Variants in KCNIP4 observed in about 807,000 individuals in gnomAD.
KCNIP4 encodes Kv channel-interacting protein 4.
Under a neutral mutation model 34.0 loss-of-function variants are expected in KCNIP4, and 12 were observed. The ratio of observed to expected loss-of-function variants is 0.35; its 90% CI spans 0.23 to 0.57. The LOEUF is 0.57. KCNIP4 is among the 20% of genes least tolerant of loss of function. The pLI is 0.83. For missense variants in KCNIP4, 238 were observed against 311.7 expected (o/e 0.76, Z 1.78); for synonymous variants, 124 against 102.2 (o/e 1.21, Z -1.29).
intron 1 of KCNIP4, among the ~76,000 whole-genome samples, chr4:21,254,304 C>T (rs1366996512): frequency 6.6e-6 from 1 of 152,096 alleles, no homozygotes; most frequent in East Asian, 1.9e-4. Context: ...TATGCATTGC[C>T]TTCAATCACC....
rs751881536 is a variant in KCNIP4 at position 20,882,664 on chromosome 4, C to T, written c.107G>A (p.Arg36Gln). ...QNSTKRSIKE[R>Q]LMKLLPCSAA... ...TGAGCAGGGCAAGAGCTTCATGAGC[C>T]GCTCTTTAATGCTGCGCTTGGTGCT... The change falls in exon 2 of 9, where the codon CGG (arginine) becomes CAG (glutamine). Residue 36 changes from arginine (R) to glutamine (Q), a missense_variant. By Grantham distance (43) the Arg-to-Gln change is conservative. Coordinates refer to ENST00000382152, the MANE Select transcript of KCNIP4 (RefSeq NM_025221.6). 12 of 1,613,390 alleles carry T rather than the reference C, an allele frequency of 7.4e-6. No individual in the cohort carries two copies. The highest frequency in any genetic ancestry group is 7.6e-6 in the Non-Finnish European group (9 of 1,179,838).
chr4:20,751,884 C>T (rs942530214), intron 4 of KCNIP4, among the ~76,000 whole-genome samples: 2 of 152,210 alleles, frequency 1.3e-5, no homozygotes, highest in East Asian at 3.9e-4. Context: ...CCAGTCTAGA[C>T]AATCTATGCA....
chr4:21,710,574 T>C (rs985755787), intron 1 of KCNIP4, among the ~76,000 whole-genome samples: 1 of 152,186 alleles, frequency 6.6e-6, no homozygotes, highest in Non-Finnish European at 1.5e-5. Flanking sequence ...CAAATTCATA[T>C]GCAGATCCAG....
At chr4:20,747,909 C>T (rs1316138760) in intron 5 of KCNIP4, among the ~76,000 whole-genome samples, 3 of 152,220 alleles carry the variant, frequency 2.0e-5, no homozygotes, top group African/African-American at 7.2e-5. Context: ...TGCCTACGCC[C>T]ATATGAACTT....
At chr4:21,814,660 A>G (rs1017076527) in intron 1 of KCNIP4, among the ~76,000 whole-genome samples, 1 of 152,176 alleles carries the variant, frequency 6.6e-6, no homozygotes, top group Non-Finnish European at 1.5e-5. Context: ...GAACTGGCTG[A>G]GCCCCGTTAA....
At chr4:20,846,455 A>G (rs1720388294) in intron 3 of KCNIP4, among the ~76,000 whole-genome samples, 1 of 152,162 alleles carries the variant, frequency 6.6e-6, no homozygotes. Context: ...AAGATTATGA[A>G]ACATATATAT....
intron 1 of KCNIP4, among the ~76,000 whole-genome samples, chr4:21,465,065 G>C (rs1208845969): frequency 6.6e-6 from 1 of 152,050 alleles, no homozygotes; most frequent in Non-Finnish European, 1.5e-5. Context: ...TAGACTGCCA[G>C]GCTGTCTCTC....
chr4:20,978,635 C>T, intron 1 of KCNIP4, among the ~76,000 whole-genome samples: 1 of 152,150 alleles, frequency 6.6e-6, no homozygotes, highest in Non-Finnish European at 1.5e-5. Context: ...TTATACACTT[C>T]TCTTCATCCA....
chr4:20,858,211 CAAAAAAAAAAA>C (rs778798968), intron 2 of KCNIP4, among the ~76,000 whole-genome samples: 16 of 70,738 alleles, frequency 2.3e-4, no homozygotes, highest in South Asian at 1.7e-3. Context: ...AACTCCATCT[CAAAAAAAAAAA>C]AAAAAAAAAA....
chr4:21,036,132 T>A (rs1418363787), intron 1 of KCNIP4, among the ~76,000 whole-genome samples: 1 of 152,226 alleles, frequency 6.6e-6, no homozygotes, highest in Non-Finnish European at 1.5e-5. Context: ...TGCTCCATAA[T>A]CTTTGCCACA....
At chr4:21,380,839 G>GACACACACACAC (rs34138343) in intron 1 of KCNIP4, among the ~76,000 whole-genome samples, 1 of 149,616 alleles carries the variant, frequency 6.7e-6, no homozygotes, top group Non-Finnish European at 1.5e-5. Context: ...TTCCATTGGT[G>GACACACACACAC]ACACACACAC....
chr4:21,459,788 G>A (rs1729293841), intron 1 of KCNIP4, among the ~76,000 whole-genome samples: 1 of 151,950 alleles, frequency 6.6e-6, no homozygotes, highest in Admixed American at 6.6e-5. Flanking sequence ...TCTGATCTAT[G>A]AGCCAGTTCT....
chr4:21,768,377 C>T (rs1450800575), intron 1 of KCNIP4, among the ~76,000 whole-genome samples: 8 of 151,982 alleles, frequency 5.3e-5, no homozygotes, highest in African/African-American at 1.4e-4. Flanking sequence ...CCTCTGAGTA[C>T]GTTAATATTT....
At chr4:21,015,816 CATATATAAA>C (rs1739477504) in intron 1 of KCNIP4, among the ~76,000 whole-genome samples, 1 of 121,292 alleles carries the variant, frequency 8.2e-6, no homozygotes, top group African/African-American at 3.1e-5. Context: ...CTATATATAC[CATATATAAA>C]ATATATACAA....
chr4:21,137,092 T>C (rs1385055628), intron 1 of KCNIP4, among the ~76,000 whole-genome samples: 2 of 147,936 alleles, frequency 1.4e-5, no homozygotes, highest in Non-Finnish European at 3.0e-5. Context: ...CCTGTCGTCT[T>C]GGCAAAATAT....
At chr4:21,036,828 A>T (rs1217612280) in intron 1 of KCNIP4, among the ~76,000 whole-genome samples, 1 of 152,264 alleles carries the variant, frequency 6.6e-6, no homozygotes, top group African/African-American at 2.4e-5. Flanking sequence ...GGTCAACAAC[A>T]GACCACATGT....
intron 1 of KCNIP4, among the ~76,000 whole-genome samples, chr4:21,120,691 C>T (rs950535301): frequency 5.9e-5 from 9 of 152,092 alleles, no homozygotes; most frequent in African/African-American, 2.2e-4. Flanking sequence ...GGGAAACCGC[C>T]CTCACAATCC....
At chr4:20,769,464 G>A (rs1379741581) in intron 3 of KCNIP4, among the ~76,000 whole-genome samples, 2 of 152,008 alleles carry the variant, frequency 1.3e-5, no homozygotes, top group Admixed American at 6.6e-5. Flanking sequence ...TTTTGTCAGG[G>A]TCTTTTAAAA....
intron 1 of KCNIP4, among the ~76,000 whole-genome samples, chr4:21,335,203 C>A (rs1397121078): frequency 1.3e-5 from 2 of 151,964 alleles, no homozygotes; most frequent in Non-Finnish European, 2.9e-5. Flanking sequence ...TCCCCTAAAT[C>A]CCCTTGTGAC....
Sources: gnomAD v4.1 joint callset for allele counts (sites outside exome capture counted in the v4.1 genomes callset) on GRCh38, gnomAD v4.1.1 for gene constraint, MANE v1.5 for transcripts, NCBI Gene and HGNC (gene_info 2026-07-23, HGNC 2026-07-21) for gene names.